The following LTBP1 variants were observed in gnomAD, a reference collection of about 807,000 sequenced individuals.
LTBP1 encodes the protein latent transforming growth factor beta binding protein 1, also known as latent-transforming growth factor beta-binding protein 1.
LTBP1 carries 129 observed loss-of-function variants against 207.6 expected under a neutral mutation model. The ratio of observed to expected loss-of-function variants is 0.62; its 90% CI spans 0.54 to 0.72. The LOEUF is 0.72. Among genes scored for constraint, LTBP1 ranks in the 30% least tolerant of loss-of-function variants. The probability of loss-of-function intolerance (pLI) is 0.00; values close to 1 mark genes in which losing one functional copy is unlikely to be tolerated. For missense variants in LTBP1, 2,281 were observed against 2,217.2 expected, an observed-to-expected ratio of 1.03 and a Z score of -0.58; for synonymous variants, 963 against 833.7, an observed-to-expected ratio of 1.16 and a Z score of -2.67.
In LTBP1 at chr2:33,347,433, C is replaced by G. The variant is rs750651860; in HGVS notation, c.3923C>G (p.Ser1308Cys). 6.2e-7 allele frequency: 1 copy of G among 1,614,176 alleles called. No individual in the cohort carries two copies. The highest frequency in any genetic ancestry group is 8.5e-7 in the Non-Finnish European group (1 of 1,180,028). ...GEAFCENVEGSFLCVCADENQ... is the reference protein window; with the variant it reads ...GEAFCENVEGCFLCVCADENQ... ...GCCTTCTGTGAAAACGTGGAAGGGT[C>G]CTTCCTGTGCGTGTGTGCTGATGAA... is the stretch of plus-strand genomic sequence containing the variant. Residue 1308 changes from serine (S) to cysteine (C), a missense_variant, in exon 26 of 34, where the codon TCC (serine) becomes TGC (cysteine). Physicochemically the swap from Ser to Cys is moderately radical, Grantham distance 112 (BLOSUM62 -1). Transcript: ENST00000404816.
chr2:33,335,052 ACT>A (rs1321405381), intron 24 of LTBP1, among the ~76,000 whole-genome samples: 1 of 151,526 alleles, frequency 6.6e-6, no homozygotes, highest in African/African-American at 2.4e-5. Flanking sequence ...GAGCCATGGC[ACT>A]CTCTCTCACA....
intron 9 of LTBP1, among the ~76,000 whole-genome samples, chr2:33,240,182 T>C (rs977745104): frequency 4.6e-5 from 7 of 152,150 alleles, no homozygotes; most frequent in Non-Finnish European, 1.0e-4. Context: ...TTGTTAAGTC[T>C]AAATAGAATT....
At chr2:33,391,202 A>C (rs1025248564) in intron 32 of LTBP1, among the ~76,000 whole-genome samples, 1 of 151,786 alleles carries the variant, frequency 6.6e-6, no homozygotes, top group African/African-American at 2.4e-5. Flanking sequence ...ACTCCCACCC[A>C]GGCCAGGAGC....
At position 33,360,796 on chromosome 2, in the gene LTBP1, T is replaced by C. The variant is rs757263660; in HGVS notation, c.4183+17T>C. 3 of 1,612,334 alleles carry C rather than the reference T, an allele frequency of 1.9e-6. No homozygotes were observed. The East Asian group carries it at 6.7e-5, about 36-fold the overall frequency. ...TGGGAACTGGTAAGAATCCGCTTAG[T>C]GGTAGAGTCACACTTGTGTTTGGTC... On this transcript the variant is annotated intron_variant, in intron 27 of 33. Coordinates refer to ENST00000404816, the MANE Select transcript of LTBP1 (RefSeq NM_206943.4).
chr2:33,091,575 C>G (rs2079094161), intron 3 of LTBP1, among the ~76,000 whole-genome samples: 2 of 152,238 alleles, frequency 1.3e-5, no homozygotes, highest in South Asian at 4.2e-4. Flanking sequence ...ATCAGTAAGT[C>G]TTAGCTGAAT....
At chr2:33,369,578 G>A (rs909837941) in intron 31 of LTBP1, among the ~76,000 whole-genome samples, 2 of 151,724 alleles carry the variant, frequency 1.3e-5, no homozygotes, top group African/African-American at 4.8e-5. Context: ...TTTATTTTTT[G>A]ACAGAGTCTC....
chr2:33,132,129 T>A (rs2081845189), intron 4 of LTBP1, among the ~76,000 whole-genome samples: 1 of 152,238 alleles, frequency 6.6e-6, no homozygotes, highest in South Asian at 2.1e-4. Flanking sequence ...AGGAGGAGTT[T>A]ATATTCTTTT....
At chr2:33,038,732 A>G (rs2076042678) in intron 3 of LTBP1, among the ~76,000 whole-genome samples, 1 of 152,238 alleles carries the variant, frequency 6.6e-6, no homozygotes. Flanking sequence ...CCTGTGCTGC[A>G]AGGAACCCAT....
chr2:33,387,119 T>G (rs1218856443), intron 31 of LTBP1, among the ~76,000 whole-genome samples: 2 of 152,198 alleles, frequency 1.3e-5, no homozygotes, highest in Non-Finnish European at 2.9e-5. Flanking sequence ...CGACAGTTTC[T>G]TTAAAAATAA....
intron 26 of LTBP1, among the ~76,000 whole-genome samples, chr2:33,349,311 G>A (rs1315691944): frequency 5.3e-5 from 8 of 152,102 alleles, no homozygotes; most frequent in Non-Finnish European, 8.8e-5. Flanking sequence ...TTAGCCGGGA[G>A]TGGAGGCATA....
intron 2 of LTBP1, among the ~76,000 whole-genome samples, chr2:33,013,203 G>A (rs1045088340): frequency 3.3e-5 from 5 of 152,086 alleles, no homozygotes; most frequent in Non-Finnish European, 5.9e-5. Context: ...AAAAAGGCTT[G>A]TACCATATTC....
intron 5 of LTBP1, among the ~76,000 whole-genome samples, chr2:33,175,864 A>T (rs2085985460): frequency 6.9e-6 from 1 of 145,938 alleles, no homozygotes; most frequent in Non-Finnish European, 1.5e-5. Flanking sequence ...AGGGACATGG[A>T]TGAAATTGGA....
chr2:33,057,294 A>G (rs186367847), intron 3 of LTBP1, among the ~76,000 whole-genome samples: 1 of 152,254 alleles, frequency 6.6e-6, no homozygotes, highest in East Asian at 1.9e-4. Flanking sequence ...TCATTGGTGT[A>G]TTTACAATCC....
At chr2:32,961,748 C>T (rs1679149459) in intron 2 of LTBP1, among the ~76,000 whole-genome samples, 1 of 151,912 alleles carries the variant, frequency 6.6e-6, no homozygotes, top group South Asian at 2.1e-4. Flanking sequence ...GAGTTCGAGA[C>T]CAGACTGGCC....
chr2:32,990,781 ACCTGTCTGCACAGC>A (rs1684288409), intron 2 of LTBP1, among the ~76,000 whole-genome samples: 1 of 152,060 alleles, frequency 6.6e-6, no homozygotes, highest in African/African-American at 2.4e-5. Flanking sequence ...TTATGAGTCT[ACCTGTCTGCACAGC>A]ATTTTCATCT....
intron 31 of LTBP1, among the ~76,000 whole-genome samples, chr2:33,381,805 A>G (rs1349578715): frequency 6.6e-6 from 1 of 152,166 alleles, no homozygotes; most frequent in East Asian, 1.9e-4. Flanking sequence ...GGGAGTAGAA[A>G]GAACATGGTT....
At chr2:33,150,704 C>CTTTTTTTTTTTTTTTTTTTTTTT (rs1211013076) in intron 5 of LTBP1, among the ~76,000 whole-genome samples, 1 of 108,834 alleles carries the variant, frequency 9.2e-6, no homozygotes, top group African/African-American at 3.5e-5. Flanking sequence ...TTTCTTTTTT[C>CTTTTTTTTTTTTTTTTTTTTTTT]TTTTTCTTTT....
At chr2:33,158,531 C>G (rs1352093185) in intron 5 of LTBP1, among the ~76,000 whole-genome samples, 2 of 152,114 alleles carry the variant, frequency 1.3e-5, no homozygotes, top group Non-Finnish European at 2.9e-5. Flanking sequence ...ATAGGGGTGA[C>G]TTATAGTTCC....
rs1283498490 is a variant in LTBP1 at position 33,208,757 on chromosome 2, G to C, written c.1702-8795G>C. ...AAGTAGTCTGTCCTTACAATTTTAT[G>C]GGTTGATGCAACTAACATCCAGAGA... On this transcript the variant is annotated intron_variant, in intron 7 of 33. Transcript: ENST00000404816. Among the ~76,000 whole-genome samples the C allele has an allele frequency of 2.4e-4, 37 of 152,044 alleles. 1 individual carries two copies. Among genetic ancestry groups the C allele is most frequent in the Admixed American group, 2.2e-3 (33 of 15,268 alleles).
Sources: allele counts gnomAD v4.1 joint callset (sites outside exome capture counted in the v4.1 genomes callset), GRCh38; gene constraint gnomAD v4.1.1; transcripts MANE v1.5; gene names NCBI Gene and HGNC (gene_info 2026-07-23, HGNC 2026-07-21).